Variants in GALNTL6 observed in about 807,000 individuals in gnomAD.
The protein encoded by GALNTL6 is polypeptide N-acetylgalactosaminyltransferase like 6.
In GALNTL6, 46 loss-of-function variants were observed where a neutral mutation model predicts 73.7. The observed-to-expected ratio is 0.62, with a 90% CI of 0.49 to 0.80. GALNTL6 has a LOEUF of 0.80. GALNTL6 is among the 30% of genes least tolerant of loss of function. The pLI is 0.00. For synonymous variants in GALNTL6, 259 were observed against 263.7 expected (o/e 0.98, Z 0.17); for missense variants, 604 against 755.0 (o/e 0.80, Z 2.34).
chr4:172,045,635 T>C (rs1505482), intron 2 of GALNTL6, among the ~76,000 whole-genome samples: 114,622 of 151,768 alleles, frequency 0.76, 43,836 homozygotes, highest in East Asian at 0.87. Flanking sequence ...TTTTTAGGCA[T>C]GTGAACTGAT....
chr4:172,403,770 T>G (rs1179400260), intron 5 of GALNTL6, among the ~76,000 whole-genome samples: 4 of 152,024 alleles, frequency 2.6e-5, no homozygotes, highest in Admixed American at 6.6e-5. Flanking sequence ...ACTGGAAGTA[T>G]TAACTCTACC....
chr4:172,241,842 A>G (rs1035103904), intron 3 of GALNTL6, among the ~76,000 whole-genome samples: 1 of 152,184 alleles, frequency 6.6e-6, no homozygotes, highest in African/African-American at 2.4e-5. Flanking sequence ...ATATTTTGTG[A>G]GAATTTATTG....
intron 5 of GALNTL6, among the ~76,000 whole-genome samples, chr4:172,620,420 A>G: frequency 6.6e-6 from 1 of 152,138 alleles, no homozygotes; most frequent in East Asian, 1.9e-4. Flanking sequence ...AAATTTTTAA[A>G]TGTTTCTATT....
intron 2 of GALNTL6, among the ~76,000 whole-genome samples, chr4:172,003,537 G>A (rs1428944144): frequency 6.6e-6 from 1 of 152,028 alleles, no homozygotes; most frequent in African/African-American, 2.4e-5. Context: ...TATTCTCTAA[G>A]CTTTAGTCAA....
intron 5 of GALNTL6, among the ~76,000 whole-genome samples, chr4:172,656,088 AATACC>A (rs1165548020): frequency 6.6e-6 from 1 of 152,248 alleles, no homozygotes; most frequent in Admixed American, 6.5e-5. Flanking sequence ...CACAGAGGCC[AATACC>A]ATGGCACCAG....
intron 5 of GALNTL6, among the ~76,000 whole-genome samples, chr4:172,800,599 C>T (rs1740583541): frequency 6.6e-6 from 1 of 151,972 alleles, no homozygotes; most frequent in Admixed American, 6.6e-5. Context: ...AAGTACTTTG[C>T]ACAAATAAAG....
chr4:172,726,481 C>G (rs944607330), intron 5 of GALNTL6, among the ~76,000 whole-genome samples: 11 of 152,178 alleles, frequency 7.2e-5, no homozygotes, highest in African/African-American at 2.4e-4. Context: ...TTCAGCCAAG[C>G]AATCTGAAGC....
At chr4:172,931,915 A>G (rs1417917692) in intron 9 of GALNTL6, among the ~76,000 whole-genome samples, 1 of 152,204 alleles carries the variant, frequency 6.6e-6, no homozygotes, top group African/African-American at 2.4e-5. Context: ...ACGGACTCAC[A>G]ATACCATCTC....
intron 2 of GALNTL6, among the ~76,000 whole-genome samples, chr4:172,038,817 A>C (rs2110835473): frequency 6.6e-6 from 1 of 152,352 alleles, no homozygotes; most frequent in East Asian, 1.9e-4. Flanking sequence ...ACAAGGAAAT[A>C]GAAAGTGATA....
At chr4:172,839,254 T>C (rs762551455) in intron 7 of GALNTL6, among the ~76,000 whole-genome samples, 15 of 152,224 alleles carry the variant, frequency 9.9e-5, no homozygotes, top group Non-Finnish European at 2.1e-4. Context: ...ATGCCTGATA[T>C]TTCATAGAGG....
intron 3 of GALNTL6, among the ~76,000 whole-genome samples, chr4:172,273,240 T>C (rs960067264): frequency 2.0e-5 from 3 of 152,134 alleles, no homozygotes; most frequent in Admixed American, 6.6e-5. Context: ...AAATATAATA[T>C]ATGTTTGAAG....
chr4:172,674,847 T>C (rs1732193469), intron 5 of GALNTL6, among the ~76,000 whole-genome samples: 1 of 152,246 alleles, frequency 6.6e-6, no homozygotes, highest in Non-Finnish European at 1.5e-5. Flanking sequence ...TTTTCTGTAC[T>C]GTCTATCTTG....
intron 4 of GALNTL6, among the ~76,000 whole-genome samples, chr4:172,317,026 C>G (rs1347266639): frequency 6.6e-6 from 1 of 152,158 alleles, no homozygotes; most frequent in East Asian, 1.9e-4. Context: ...GGAGAAAGGC[C>G]AGGTGCGTTT....
At chr4:171,905,061 C>G (rs1201399771) in intron 2 of GALNTL6, among the ~76,000 whole-genome samples, 1 of 152,150 alleles carries the variant, frequency 6.6e-6, no homozygotes, top group African/African-American at 2.4e-5. Context: ...TAAAGACCAT[C>G]AAGACTAGGA....
chr4:173,030,114 G>T (rs1390300741), intron 12 of GALNTL6, among the ~76,000 whole-genome samples: 1 of 151,684 alleles, frequency 6.6e-6, no homozygotes, highest in Admixed American at 6.6e-5. Flanking sequence ...GATGCCCAAT[G>T]TCTGCAACAT....
intron 2 of GALNTL6, among the ~76,000 whole-genome samples, chr4:171,898,659 C>T (rs1181985128): frequency 2.0e-5 from 3 of 151,888 alleles, no homozygotes; most frequent in East Asian, 1.9e-4. Flanking sequence ...ATTATAGGTA[C>T]AGAAACAAAC....
At chr4:171,943,251 C>G (rs1299519081) in intron 2 of GALNTL6, among the ~76,000 whole-genome samples, 1 of 152,048 alleles carries the variant, frequency 6.6e-6, no homozygotes, top group South Asian at 2.1e-4. Context: ...GACATGATGC[C>G]CCTCGGGCAC....
chr4:172,009,284 C>G (rs77472055), intron 2 of GALNTL6, among the ~76,000 whole-genome samples: 1 of 151,964 alleles, frequency 6.6e-6, no homozygotes, highest in African/African-American at 2.4e-5. Flanking sequence ...AGGTCTGACT[C>G]TAGAGATTAT....
At chr4:172,850,297 A>T (rs2111107483) in intron 7 of GALNTL6, among the ~76,000 whole-genome samples, 1 of 152,296 alleles carries the variant, frequency 6.6e-6, no homozygotes, top group East Asian at 1.9e-4. Flanking sequence ...ATATGATTGA[A>T]TTGGAGGTTC....
Sources: allele counts gnomAD v4.1 joint callset (sites outside exome capture counted in the v4.1 genomes callset), GRCh38; gene constraint gnomAD v4.1.1; transcripts MANE v1.5; gene names NCBI Gene and HGNC (gene_info 2026-07-23, HGNC 2026-07-21).